The following BDKRB2 variants were observed in gnomAD, a reference collection of about 807,000 sequenced individuals.
BDKRB2 encodes B2 bradykinin receptor.
BDKRB2 carries 6 observed loss-of-function variants against 4.0 expected under a neutral mutation model. The ratio of observed to expected loss-of-function variants is 1.49; its 90% CI spans 0.81 to 2.93. The LOEUF is 2.93. Among genes scored for constraint, BDKRB2 ranks in the 30% most tolerant of loss-of-function variants. The pLI, the probability that BDKRB2 is intolerant of heterozygous loss-of-function variation, is 0.00. For missense variants in BDKRB2, 478 were observed against 520.1 expected (o/e 0.92, Z 0.79); for synonymous variants, 225 against 215.3 (o/e 1.05, Z -0.40).
At chr14:96,221,244 C>T (rs1010042705) in intron 1 of BDKRB2, among the ~76,000 whole-genome samples, 2 of 152,154 alleles carry the variant, frequency 1.3e-5, no homozygotes, top group Non-Finnish European at 2.9e-5. Flanking sequence ...CCTCCAAAAA[C>T]TGAAGCTATT....
In BDKRB2 at chr14:96,204,967, C is replaced by A. The variant is rs939633053; in HGVS notation, c.-40+8C>A. 1 of 219,778 alleles carries A rather than the reference C, an allele frequency of 4.6e-6. No individual in the cohort carries two copies. 13.6% of individuals were successfully genotyped at this position (219,778 alleles called of 1,614,324 possible). A position where few individuals can be genotyped will look rare whatever the true frequency, so the allele number is the denominator to read the frequency against. On this transcript the variant is annotated splice_region_variant and intron_variant, in intron 1 of 2. Transcript: ENST00000554311. ...CCGCTTGCTCCGGAGAAGGTGGGTG[C>A]CGGGCAGGGGCTGCTCCAGCCGCCT... is the stretch of plus-strand genomic sequence containing the variant.
intron 1 of BDKRB2, among the ~76,000 whole-genome samples, chr14:96,222,920 G>A (rs1890607947): frequency 6.6e-6 from 1 of 151,810 alleles, no homozygotes; most frequent in Non-Finnish European, 1.5e-5. Flanking sequence ...AAAATTTGAA[G>A]TTACTTCTGT....
chr14:96,240,719 C>G lies in BDKRB2; in HGVS notation c.391C>G (p.Arg131Gly). The G allele has an allele frequency of 6.2e-7, 1 of 1,601,112 alleles. No homozygotes were observed. The highest frequency in any genetic ancestry group is 1.1e-5 in the South Asian group (1 of 88,292). Residue 131 changes from arginine (R) to glycine (G), a missense_variant, in exon 3 of 3, where the codon CGC (arginine) becomes GGC (glycine). Coordinates refer to ENST00000554311, the MANE Select transcript of BDKRB2 (RefSeq NM_001379692.1). ...FDWLFGETLC[R>G]VVNAIISMNL... is the part of the protein sequence containing the mutation. ...CTGGCTCTTTGGGGAGACGCTCTGC[C>G]GCGTGGTGAATGCCATTATCTCCAT...
At chr14:96,219,307 A>T (rs1890500299) in intron 1 of BDKRB2, among the ~76,000 whole-genome samples, 2 of 152,152 alleles carry the variant, frequency 1.3e-5, no homozygotes, top group Admixed American at 1.3e-4. Flanking sequence ...GCCTCAAAAA[A>T]CAAGAACCAA....
chr14:96,227,213 A>T (rs539700011), intron 1 of BDKRB2, among the ~76,000 whole-genome samples: 1 of 152,332 alleles, frequency 6.6e-6, no homozygotes, highest in South Asian at 2.1e-4. Context: ...ACCGGATGTC[A>T]CACAAAGGGA....
chr14:96,240,664 C>G lies in BDKRB2; in HGVS notation c.336C>G (p.Phe112Leu). Reference protein sequence around the residue: ...ADLILACGLPFWAITISNNFD... With the variant: ...ADLILACGLPLWAITISNNFD... ...TGATCCTGGCCTGCGGGCTGCCCTT[C>G]TGGGCCATCACCATCTCCAACAACT... The change falls in exon 3 of 3, where the codon TTC becomes TTG. Residue 112 changes from phenylalanine (F) to leucine (L), a missense_variant. Transcript: ENST00000554311. 6.3e-7 allele frequency: 1 copy of G among 1,584,100 alleles called. No homozygotes were observed. The highest frequency in any genetic ancestry group is 8.6e-7 in the Non-Finnish European group (1 of 1,167,464).
At chr14:96,223,322 C>T (rs1459808454) in intron 1 of BDKRB2, 3 of 1,055,338 alleles carry the variant, frequency 2.8e-6, no homozygotes, top group Non-Finnish European at 3.0e-6. Context: ...TTCCGGCGCC[C>T]ACCACCCAAG....
chr14:96,223,300 C>G, intron 1 of BDKRB2: 1 of 1,064,718 alleles, frequency 9.4e-7, no homozygotes, highest in Non-Finnish European at 1.5e-6. Flanking sequence ...ATCAGAACCT[C>G]ACATCTTGCT....
In BDKRB2 at chr14:96,243,366, A is replaced by G. The variant is rs1885350033; in HGVS notation, c.*1862A>G. 6.7e-6 allele frequency: 1 copy of G among 148,236 alleles called. No individual in the cohort carries two copies. The highest frequency in any genetic ancestry group is 1.5e-5 in the Non-Finnish European group (1 of 67,674). 9.2% of individuals were successfully genotyped at this position (148,236 alleles called of 1,614,324 possible). ...CTGGAGGGCTGGAATCTGGAGAGCT[A>G]GAACCTGGAGGGCTAGAACCTGGAG... is the stretch of plus-strand genomic sequence containing the variant. On this transcript the variant is annotated 3_prime_UTR_variant, in exon 3 of 3. Coordinates refer to ENST00000554311, the MANE Select transcript of BDKRB2 (RefSeq NM_001379692.1).
chr14:96,213,038 C>T (rs182379708), intron 1 of BDKRB2, among the ~76,000 whole-genome samples: 100 of 152,242 alleles, frequency 6.6e-4, no homozygotes, highest in African/African-American at 2.2e-3. Flanking sequence ...CCAACTGGCC[C>T]GATTGTTCAA....
chr14:96,239,904 C>T, intron 2 of BDKRB2: 1 of 985,834 alleles, frequency 1.0e-6, no homozygotes. Flanking sequence ...AAGACAGAAA[C>T]TAGGCAGATG....
chr14:96,213,039 G>T (rs544555517), intron 1 of BDKRB2, among the ~76,000 whole-genome samples: 2 of 152,092 alleles, frequency 1.3e-5, no homozygotes, highest in South Asian at 2.1e-4. Context: ...CAACTGGCCC[G>T]ATTGTTCAAC....
rs1159172078 is a variant in BDKRB2, at chr14:96,204,851, G to A, written c.-148G>A. On this transcript the variant is annotated 5_prime_UTR_variant, in exon 1 of 3. Coordinates refer to ENST00000554311, the MANE Select transcript of BDKRB2 (RefSeq NM_001379692.1). ...TGTTCCCGCCGCCACTCCAGCTCTG[G>A]CTTCTGGGCTCCGAGGAGGGGTGGG... 5.2e-6 allele frequency: 2 copies of A among 383,102 alleles called. No individual in the cohort carries two copies. Among genetic ancestry groups the A allele is most frequent in the Non-Finnish European group, 1.1e-5 (2 of 190,152 alleles). 23.7% of individuals were successfully genotyped at this position (383,102 alleles called of 1,614,324 possible). A position where few individuals can be genotyped will look rare whatever the true frequency, so the allele number is the denominator to read the frequency against.
chr14:96,225,343 A>G (rs1245738191), intron 1 of BDKRB2, among the ~76,000 whole-genome samples: 1 of 152,138 alleles, frequency 6.6e-6, no homozygotes, highest in East Asian at 1.9e-4. Context: ...TCTTTGCTAT[A>G]GAGTCTCAGA....
chr14:96,217,240 G>T (rs1326797665), intron 1 of BDKRB2, among the ~76,000 whole-genome samples: 1 of 152,258 alleles, frequency 6.6e-6, no homozygotes. Context: ...GCATATGTGT[G>T]TCTCTGTGCA....
At chr14:96,227,891 A>T (rs1566692486) in intron 1 of BDKRB2, among the ~76,000 whole-genome samples, 1 of 152,180 alleles carries the variant, frequency 6.6e-6, no homozygotes, top group Non-Finnish European at 1.5e-5. Context: ...GAGAGAAGAG[A>T]CACGGGGTGG....
intron 2 of BDKRB2, chr14:96,240,104 A>G: frequency 8.9e-7 from 1 of 1,122,048 alleles, no homozygotes; most frequent in Non-Finnish European, 1.1e-6. Context: ...AAGGAGGTCA[A>G]GGGTCCAACA....
chr14:96,238,733 C>T, intron 2 of BDKRB2: 1 of 984,034 alleles, frequency 1.0e-6, no homozygotes, highest in Non-Finnish European at 1.2e-6. Context: ...CGTCAAAATG[C>T]TTCTTATCCT....
At chr14:96,229,226 T>A (rs970184790) in intron 1 of BDKRB2, among the ~76,000 whole-genome samples, 1 of 152,156 alleles carries the variant, frequency 6.6e-6, no homozygotes, top group Non-Finnish European at 1.5e-5. Context: ...ATAAATGTTA[T>A]AGAAGCAGGA....
Sources: allele counts gnomAD v4.1 joint callset (sites outside exome capture counted in the v4.1 genomes callset), GRCh38; gene constraint gnomAD v4.1.1; transcripts MANE v1.5; gene names NCBI Gene and HGNC (gene_info 2026-07-23, HGNC 2026-07-21).